Variants in SHANK2 observed in about 807,000 individuals in gnomAD.
SHANK2 encodes SH3 and multiple ankyrin repeat domains protein 2.
A neutral mutation model predicts 133.7 loss-of-function variants in SHANK2; 43 were observed. That is an observed-to-expected ratio of 0.32 (90% CI 0.25 to 0.41). SHANK2 has a LOEUF of 0.41. Ranked by LOEUF, SHANK2 falls within the 10% of genes least tolerant of loss-of-function variation. The probability of loss-of-function intolerance (pLI) is 1.00; values close to 1 mark genes in which losing one functional copy is unlikely to be tolerated. For synonymous variants in SHANK2, 1,017 were observed against 952.8 expected (o/e 1.07, Z -1.24); for missense variants, 1,994 against 2,235.8 (o/e 0.89, Z 2.18).
intron 17 of SHANK2, among the ~76,000 whole-genome samples, chr11:70,544,132 C>A (rs2059658651): frequency 6.6e-6 from 1 of 152,142 alleles, no homozygotes; most frequent in Non-Finnish European, 1.5e-5. Context: ...TTGGAAAACC[C>A]AACCCTGACC....
At chr11:71,247,281 A>G (rs2135829760) in intron 1 of SHANK2, among the ~76,000 whole-genome samples, 1 of 152,354 alleles carries the variant, frequency 6.6e-6, no homozygotes, top group South Asian at 2.1e-4. Flanking sequence ...TTTACCTCAC[A>G]GAGGTACCGT....
chr11:70,523,239 C>T (rs1453818392), intron 17 of SHANK2, among the ~76,000 whole-genome samples: 1 of 152,234 alleles, frequency 6.6e-6, no homozygotes, highest in African/African-American at 2.4e-5. Context: ...GCTGGCCTCA[C>T]ACCTCAATGC....
chr11:70,575,061 T>A (rs1383038568), intron 17 of SHANK2, among the ~76,000 whole-genome samples: 1 of 152,084 alleles, frequency 6.6e-6, no homozygotes, highest in African/African-American at 2.4e-5. Flanking sequence ...AAGCCTTCAT[T>A]GCAGCTGATC....
chr11:71,060,557 C>T (rs951161458), intron 9 of SHANK2, among the ~76,000 whole-genome samples: 2 of 152,358 alleles, frequency 1.3e-5, no homozygotes, highest in South Asian at 2.1e-4. Context: ...AAGATGTTCA[C>T]CCACTCCTGG....
Position 71,119,041 on chromosome 11 carries a change from A to C in SHANK2, c.208-9T>G, listed in dbSNP as rs1555100991. The C allele has an allele frequency of 6.4e-7, 1 of 1,551,420 alleles. No individual in the cohort carries two copies. Among genetic ancestry groups the C allele is most frequent in the South Asian group, 1.2e-5 (1 of 84,020 alleles). ...TTAAATCGAATGCATTTCTGCCAGG[A>C]AGGACAAAGACAGCTGATGAGTGAC... On this transcript the variant is annotated splice_polypyrimidine_tract_variant and intron_variant, in intron 3 of 25. Transcript: ENST00000601538.
chr11:70,929,033 C>T (rs1414508496), intron 10 of SHANK2, among the ~76,000 whole-genome samples: 2 of 152,166 alleles, frequency 1.3e-5, no homozygotes, highest in African/African-American at 4.8e-5. Context: ...TGGGAGGGCA[C>T]TACTTTTTCA....
At chr11:70,536,147 G>A (rs2059540573) in intron 17 of SHANK2, among the ~76,000 whole-genome samples, 1 of 152,202 alleles carries the variant, frequency 6.6e-6, no homozygotes, top group Non-Finnish European at 1.5e-5. Flanking sequence ...AGGTCTGCTG[G>A]AGGCACCGAC....
chr11:70,511,892 TACATAC>T (rs1450447283), intron 17 of SHANK2, among the ~76,000 whole-genome samples: 11 of 152,242 alleles, frequency 7.2e-5, no homozygotes, highest in African/African-American at 2.7e-4. Flanking sequence ...TCAAAAGTTG[TACATAC>T]ACATACACAG....
At chr11:70,730,447 A>G (rs1220519477) in intron 14 of SHANK2, among the ~76,000 whole-genome samples, 1 of 152,118 alleles carries the variant, frequency 6.6e-6, no homozygotes, top group African/African-American at 2.4e-5. Context: ...AAAGCTGTGC[A>G]CACCCCTAAC....
intron 17 of SHANK2, among the ~76,000 whole-genome samples, chr11:70,624,942 G>C (rs1310000866): frequency 6.6e-6 from 1 of 152,190 alleles, no homozygotes; most frequent in African/African-American, 2.4e-5. Context: ...TTTAGCCAAT[G>C]TACAGTTTGA....
chr11:70,842,133 T>C (rs1555061918), intron 11 of SHANK2, among the ~76,000 whole-genome samples: 2 of 152,232 alleles, frequency 1.3e-5, no homozygotes, highest in African/African-American at 2.4e-5. Context: ...AATGCAATAT[T>C]GGCGATATCT....
rs567984844 is a variant in SHANK2 at position 70,574,060 on chromosome 11, G to A, written c.2062-71129C>T. 2.0e-4 allele frequency among the ~76,000 whole-genome samples: 30 copies of A among 152,236 alleles called. 1 individual carries two copies. In the South Asian group the frequency reaches 5.6e-3, roughly 28 times the overall value. On this transcript the variant is annotated intron_variant, in intron 17 of 25. Coordinates refer to ENST00000601538, the MANE Select transcript of SHANK2 (RefSeq NM_012309.5). ...GGAAGTCTGATCTCCTCCTACCAGC[G>A]CCGAGGGATGGCCAAGCCCCCAGCA...
chr11:71,179,157 T>C (rs188231036), intron 2 of SHANK2, among the ~76,000 whole-genome samples: 24 of 152,302 alleles, frequency 1.6e-4, no homozygotes, highest in Admixed American at 5.9e-4. Context: ...ACATTCTTCA[T>C]GAACACAGAT....
chr11:70,941,591 G>T (rs1182105651), intron 10 of SHANK2, among the ~76,000 whole-genome samples: 1 of 152,134 alleles, frequency 6.6e-6, no homozygotes, highest in Non-Finnish European at 1.5e-5. Flanking sequence ...TTTAGGTGAG[G>T]TCATGAGGGT....
At chr11:71,110,164 C>T (rs1555098872) in intron 5 of SHANK2, 115 bp from the exon 6 acceptor site, 7 of 740,528 alleles carry the variant, frequency 9.5e-6, no homozygotes, top group Non-Finnish European at 1.6e-5. Flanking sequence ...CATGGCTGCA[C>T]ACGGTGGCTC....
intron 2 of SHANK2, among the ~76,000 whole-genome samples, chr11:71,201,286 C>T (rs782513690): frequency 1.3e-5 from 2 of 152,340 alleles, no homozygotes; most frequent in Non-Finnish European, 2.9e-5. Context: ...GTCTCGGCCA[C>T]GAGAAGCACC....
intron 2 of SHANK2, among the ~76,000 whole-genome samples, chr11:71,155,792 C>T (rs1205335692): frequency 9.2e-5 from 14 of 151,928 alleles, no homozygotes; most frequent in East Asian, 1.9e-4. Flanking sequence ...CCATCTGCCA[C>T]GTAGCCCCCA....
intron 11 of SHANK2, among the ~76,000 whole-genome samples, chr11:70,850,836 T>A (rs2135465423): frequency 6.6e-6 from 1 of 152,320 alleles, no homozygotes; most frequent in African/African-American, 2.4e-5. Context: ...CCAGACCAGC[T>A]GAAACAAGTA....
At chr11:70,950,133 A>G (rs1950811373) in intron 10 of SHANK2, 1 of 456,178 alleles carries the variant, frequency 2.2e-6, no homozygotes, top group Admixed American at 2.3e-5. Flanking sequence ...ACCTCAGCTC[A>G]CTGCAACCTC....
Sources: allele counts gnomAD v4.1 joint callset (sites outside exome capture counted in the v4.1 genomes callset), GRCh38; gene constraint gnomAD v4.1.1; transcripts MANE v1.5; gene names NCBI Gene and HGNC (gene_info 2026-07-23, HGNC 2026-07-21).